The following CTSS variants were observed in gnomAD, a reference collection of about 807,000 sequenced individuals.
CTSS encodes cathepsin S.
CTSS carries 15 observed loss-of-function variants against 39.9 expected under a neutral mutation model. The ratio of observed to expected loss-of-function variants is 0.38; its 90% CI spans 0.25 to 0.58. CTSS has a LOEUF of 0.58. CTSS is among the 20% of genes least tolerant of loss of function. The pLI, the probability that CTSS is intolerant of heterozygous loss-of-function variation, is 0.70. For synonymous variants in CTSS, 126 were observed against 138.2 expected (o/e 0.91, Z 0.62); for missense variants, 250 against 398.2 (o/e 0.63, Z 3.17).
At chr1:150,765,042 A>G (rs906951628) in intron 1 of CTSS, among the ~76,000 whole-genome samples, 3 of 152,050 alleles carry the variant, frequency 2.0e-5, no homozygotes, top group Non-Finnish European at 2.9e-5. Flanking sequence ...GTTAGAAAAC[A>G]GGGACTTTCC....
At chr1:150,736,360 C>G (rs1179332733) in intron 7 of CTSS, among the ~76,000 whole-genome samples, 6 of 152,042 alleles carry the variant, frequency 3.9e-5, no homozygotes, top group Non-Finnish European at 8.8e-5. Context: ...AGCCAGAGGT[C>G]AAATCTAGGA....
chr1:150,735,849 C>T (rs1291194758), intron 7 of CTSS, among the ~76,000 whole-genome samples: 7 of 151,452 alleles, frequency 4.6e-5, no homozygotes, highest in South Asian at 2.1e-4. Flanking sequence ...CTCCGCCTCC[C>T]GGGTTCACGC....
At chr1:150,755,347 T>C (rs902984969) in intron 3 of CTSS, among the ~76,000 whole-genome samples, 197 bp from the exon 4 acceptor site, 2 of 152,244 alleles carry the variant, frequency 1.3e-5, no homozygotes, top group African/African-American at 4.8e-5. Context: ...GGCATGGTAC[T>C]GTACTGAAGG....
chr1:150,750,689 T>G (rs759034070), intron 5 of CTSS, among the ~76,000 whole-genome samples: 4 of 152,272 alleles, frequency 2.6e-5, no homozygotes, highest in South Asian at 2.1e-4. Flanking sequence ...CAGGCTGGAG[T>G]GCAGTAGCAT....
chr1:150,743,634 TA>T (rs1431772293), intron 7 of CTSS, among the ~76,000 whole-genome samples: 1 of 89,980 alleles, frequency 1.1e-5, no homozygotes, highest in African/African-American at 3.4e-5. Flanking sequence ...TATGTATACA[TA>T]ATATATTATA....
At chr1:150,749,610 C>CTGCCT (rs1233576966) in intron 6 of CTSS, among the ~76,000 whole-genome samples, 9 of 146,628 alleles carry the variant, frequency 6.1e-5, no homozygotes, top group Non-Finnish European at 1.4e-4. Flanking sequence ...TTGCCCTGCC[C>CTGCCT]TGCCCTGCCC....
Position 150,752,023 on chromosome 1 carries a change from A to G in CTSS, c.400-15T>C, listed in dbSNP as rs1244581015. On this transcript the variant is annotated splice_polypyrimidine_tract_variant and intron_variant, in intron 4 of 7. Transcript: ENST00000368985. ...CCACAAGAACCCTAAAACAGATACA[A>G]GGTCACAAACGCAAATCACAGAAAA... 3.7e-6 allele frequency: 6 copies of G among 1,612,404 alleles called. No homozygotes were observed. The African/African-American group carries it at 8.0e-5, about 22-fold the overall frequency.
intron 7 of CTSS, among the ~76,000 whole-genome samples, chr1:150,738,026 T>A (rs1050404734): frequency 5.9e-5 from 9 of 152,228 alleles, no homozygotes; most frequent in Non-Finnish European, 1.2e-4. Flanking sequence ...CCAGATAATG[T>A]CATGCTTTAC....
rs185060166 is a variant in CTSS at position 150,748,711 on chromosome 1, C to T, written c.794-832G>A. On this transcript the variant is annotated intron_variant, in intron 6 of 7. Coordinates refer to ENST00000368985, the MANE Select transcript of CTSS (RefSeq NM_004079.5). ...ATCCTCCTGATTTGGCCTCCCAAAG[C>T]GCTGGAATTATAGGCATGAGCCACT... Among the ~76,000 whole-genome samples the T allele has an allele frequency of 4.2e-4, 64 of 151,916 alleles. 1 individual carries two copies. In the East Asian group the frequency reaches 5.2e-3, roughly 12 times the overall value.
intron 7 of CTSS, among the ~76,000 whole-genome samples, chr1:150,744,920 T>C (rs1652862684): frequency 1.3e-5 from 2 of 151,744 alleles, no homozygotes; most frequent in Admixed American, 1.3e-4. Context: ...GCAACTTCAG[T>C]AGAGAAGGGA....
intron 2 of CTSS, among the ~76,000 whole-genome samples, chr1:150,760,853 C>A (rs1464220562): frequency 1.3e-5 from 2 of 151,124 alleles, no homozygotes; most frequent in African/African-American, 2.4e-5. Flanking sequence ...TTCACTCCAA[C>A]CTGGGTGACA....
At chr1:150,744,664 T>G (rs1284067941) in intron 7 of CTSS, among the ~76,000 whole-genome samples, 6 of 142,746 alleles carry the variant, frequency 4.2e-5, no homozygotes, top group South Asian at 4.2e-4. Flanking sequence ...ATGTATTGTA[T>G]ATTATGTATG....
At chr1:150,743,638 A>G (rs1335291122) in intron 7 of CTSS, among the ~76,000 whole-genome samples, 6 of 81,696 alleles carry the variant, frequency 7.3e-5, no homozygotes, top group Non-Finnish European at 1.4e-4. Flanking sequence ...TATACATAAT[A>G]TATTATATAT....
intron 6 of CTSS, among the ~76,000 whole-genome samples, chr1:150,749,290 A>G (rs1288861044): frequency 6.6e-6 from 1 of 152,172 alleles, no homozygotes; most frequent in African/African-American, 2.4e-5. Context: ...TGTAAAGGAA[A>G]AGTGCTTGAA....
chr1:150,752,505 G>T (rs960599800), intron 4 of CTSS, among the ~76,000 whole-genome samples: 1 of 152,064 alleles, frequency 6.6e-6, no homozygotes, highest in East Asian at 1.9e-4. Flanking sequence ...TTACAAGGAG[G>T]CATAAACAAA....
chr1:150,741,337 T>C (rs1652752523), intron 7 of CTSS, among the ~76,000 whole-genome samples: 1 of 152,212 alleles, frequency 6.6e-6, no homozygotes, highest in Non-Finnish European at 1.5e-5. Flanking sequence ...TTTATGTGTA[T>C]CTTTTTTCAT....
intron 5 of CTSS, among the ~76,000 whole-genome samples, chr1:150,751,351 G>A (rs1340251632): frequency 1.3e-5 from 2 of 152,014 alleles, no homozygotes; most frequent in Non-Finnish European, 2.9e-5. Context: ...GAGTTCAAGC[G>A]ATTCTCCTGC....
intron 3 of CTSS, among the ~76,000 whole-genome samples, chr1:150,756,136 T>A (rs1653120996): frequency 6.6e-6 from 1 of 152,148 alleles, no homozygotes; most frequent in Admixed American, 6.5e-5. Context: ...AAAACTAAAA[T>A]ACAAACACAC....
chr1:150,762,562 A>G (rs1571108115), intron 2 of CTSS, among the ~76,000 whole-genome samples: 1 of 152,328 alleles, frequency 6.6e-6, no homozygotes, highest in African/African-American at 2.4e-5. Context: ...ATATAGAAGG[A>G]ACTCAAAGTA....
Sources: gnomAD v4.1 joint callset for allele counts (sites outside exome capture counted in the v4.1 genomes callset) on GRCh38, gnomAD v4.1.1 for gene constraint, MANE v1.5 for transcripts, NCBI Gene and HGNC (gene_info 2026-07-23, HGNC 2026-07-21) for gene names.